The following ZNF600 variants were observed in gnomAD, a reference collection of about 807,000 sequenced individuals.
The protein encoded by ZNF600 is zinc finger protein 600, also known as zinc finger protein KR-ZNF1.
In ZNF600, 4 loss-of-function variants were observed where a neutral mutation model predicts 7.3. The observed-to-expected ratio is 0.55, with a 90% CI of 0.27 to 1.25. The LOEUF (loss-of-function observed/expected upper bound fraction) is 1.25, where lower values mean the gene tolerates loss of function less well. Ranked by LOEUF, ZNF600 falls within the 50% of genes most tolerant of loss-of-function variation. The probability of loss-of-function intolerance (pLI) is 0.12; values close to 1 mark genes in which losing one functional copy is unlikely to be tolerated. For missense variants in ZNF600, 911 were observed against 922.1 expected, an observed-to-expected ratio of 0.99 and a Z score of 0.16; for synonymous variants, 290 against 308.9, an observed-to-expected ratio of 0.94 and a Z score of 0.64.
chr19:52,787,872 GAAAA>G (rs1007239714), upstream of ZNF600, among the ~76,000 whole-genome samples: 1 of 53,584 alleles, frequency 1.9e-5, no homozygotes. Flanking sequence ...AAAAAAAAAA[GAAAA>G]AGAAAAAGAA....
intron 1 of ZNF600, among the ~76,000 whole-genome samples, chr19:52,782,948 A>AG (rs1478202812): frequency 9.2e-5 from 14 of 151,754 alleles, no homozygotes; most frequent in Non-Finnish European, 1.9e-4. Flanking sequence ...ACTAGAAAAA[A>AG]AAATTACAAA....
At chr19:52,799,215 TGA>T in the ZNF600 span, 1 of 392,150 alleles carries the variant, frequency 2.6e-6, no homozygotes, top group Non-Finnish European at 5.0e-6. Context: ...AATTGCCTTT[TGA>T]ATTACAAGGT....
the ZNF600 span, among the ~76,000 whole-genome samples, chr19:52,804,597 G>A: frequency 7.9e-5 from 12 of 152,138 alleles, no homozygotes; most frequent in South Asian, 2.1e-4. Flanking sequence ...TCTCAAACTC[G>A]TGACCTCAAG....
the ZNF600 span, chr19:52,801,483 C>G: frequency 3.1e-6 from 5 of 1,614,132 alleles, no homozygotes; most frequent in South Asian, 5.5e-5. Flanking sequence ...GCCTGTACTA[C>G]CAGTCAACTC....
chr19:52,829,218 A>ATTT, the ZNF600 span, among the ~76,000 whole-genome samples: 1 of 101,376 alleles, frequency 9.9e-6, no homozygotes, highest in Non-Finnish European at 2.4e-5. Context: ...ATTTTATTTT[A>ATTT]TTTTATTTTA....
At chr19:52,817,712 T>G in the ZNF600 span, among the ~76,000 whole-genome samples, 6 of 152,264 alleles carry the variant, frequency 3.9e-5, no homozygotes, top group East Asian at 3.9e-4. Flanking sequence ...CATCCATGTC[T>G]GGGTGTGAGA....
chr19:52,825,581 G>A, the ZNF600 span, among the ~76,000 whole-genome samples: 2 of 152,102 alleles, frequency 1.3e-5, no homozygotes, highest in Admixed American at 1.3e-4. Flanking sequence ...GCTGAGGCTA[G>A]AGAATCATTT....
the ZNF600 span, among the ~76,000 whole-genome samples, chr19:52,817,720 A>G: frequency 1.3e-5 from 2 of 152,102 alleles, no homozygotes; most frequent in Non-Finnish European, 2.9e-5. Context: ...TCTGGGTGTG[A>G]GACCTTCCCA....
chr19:52,807,570 G>A, the ZNF600 span, among the ~76,000 whole-genome samples: 1 of 152,258 alleles, frequency 6.6e-6, no homozygotes, highest in East Asian at 1.9e-4. Flanking sequence ...GGCCTCCTGG[G>A]TTCAAGTAAT....
the ZNF600 span, among the ~76,000 whole-genome samples, chr19:52,806,539 AT>A: frequency 6.8e-6 from 1 of 147,812 alleles, no homozygotes; most frequent in African/African-American, 2.6e-5. Flanking sequence ...TAACTTTAAT[AT>A]GTTTAACATA....
the ZNF600 span, among the ~76,000 whole-genome samples, chr19:52,830,986 C>T: frequency 0.18 from 26,221 of 141,820 alleles, 2,969 homozygotes; most frequent in East Asian, 0.29. Flanking sequence ...AATTACAATA[C>T]AGGCAAGGGA....
At chr19:52,810,494 C>T in the ZNF600 span, 1 of 1,585,566 alleles carries the variant, frequency 6.3e-7, no homozygotes. Flanking sequence ...GGATGAGTCC[C>T]TATTTAGAGG....
At chr19:52,818,043 A>G in the ZNF600 span, 1 of 1,594,938 alleles carries the variant, frequency 6.3e-7, no homozygotes, top group Non-Finnish European at 8.6e-7. Flanking sequence ...TGAATGTTAA[A>G]AATATGTTGT....
the ZNF600 span, chr19:52,810,509 C>A: frequency 6.3e-7 from 1 of 1,588,308 alleles, no homozygotes; most frequent in African/African-American, 1.3e-5. Context: ...TAGAGGAAGG[C>A]AAATCAAGGT....
At chr19:52,820,638 C>T in the ZNF600 span, among the ~76,000 whole-genome samples, 16,458 of 149,948 alleles carry the variant, frequency 0.11, 691 homozygotes, top group African/African-American at 0.23. Context: ...CTGTCTGACC[C>T]GGCTCCACAT....
chr19:52,814,039 A>C, the ZNF600 span, among the ~76,000 whole-genome samples: 1 of 146,426 alleles, frequency 6.8e-6, no homozygotes, highest in Non-Finnish European at 1.5e-5. Flanking sequence ...AAAAAAGAAA[A>C]AACTTTTTTA....
chr19:52,769,534 C>T (rs2062615938), intron 3 of ZNF600, among the ~76,000 whole-genome samples: 1 of 152,330 alleles, frequency 6.6e-6, no homozygotes, highest in East Asian at 1.9e-4. Context: ...ACACTCCTTA[C>T]CCTGCCCCTT....
At chr19:52,833,497 T>C in the ZNF600 span, among the ~76,000 whole-genome samples, 1 of 152,142 alleles carries the variant, frequency 6.6e-6, no homozygotes, top group Non-Finnish European at 1.5e-5. Context: ...ATACCTGGTG[T>C]TTCAGAAAGG....
chr19:52,829,775 G>C, the ZNF600 span, among the ~76,000 whole-genome samples: 26 of 152,022 alleles, frequency 1.7e-4, no homozygotes, highest in Non-Finnish European at 3.2e-4. Flanking sequence ...GCCTCCCAAA[G>C]TGCTGGGATT....
Sources: gnomAD v4.1 joint callset for allele counts (sites outside exome capture counted in the v4.1 genomes callset) on GRCh38, gnomAD v4.1.1 for gene constraint, MANE v1.5 for transcripts, NCBI Gene and HGNC (gene_info 2026-07-23, HGNC 2026-07-21) for gene names.